Variants in FOXP1 observed in about 807,000 individuals in gnomAD.
The protein encoded by FOXP1 is forkhead box protein P1.
In FOXP1, 15 loss-of-function variants were observed where a neutral mutation model predicts 98.2. That is an observed-to-expected ratio of 0.15 (90% CI 0.10 to 0.24). The LOEUF (loss-of-function observed/expected upper bound fraction) is 0.24. Ranked by LOEUF, FOXP1 falls within the 10% of genes least tolerant of loss-of-function variation. The pLI is 1.00. For missense variants in FOXP1, 633 were observed against 848.5 expected, an observed-to-expected ratio of 0.75 and a Z score of 3.15; for synonymous variants, 371 against 314.5, an observed-to-expected ratio of 1.18 and a Z score of -1.90.
chr3:71,053,855 A>G (rs1553713662), intron 7 of FOXP1, 82 bp from the exon 8 acceptor site: 1 of 1,517,920 alleles, frequency 6.6e-7, no homozygotes, highest in South Asian at 1.1e-5. Flanking sequence ...GACTGCCATC[A>G]GCCTGCTTAA....
chr3:71,000,858 AG>A, intron 13 of FOXP1, 113 bp downstream of exon 13: 1 of 476,394 alleles, frequency 2.1e-6, no homozygotes, highest in Non-Finnish European at 3.8e-6. Flanking sequence ...GGACAATGAC[AG>A]GTTTTGGACC....
At chr3:71,402,346 T>A (rs995771906) in intron 3 of FOXP1, among the ~76,000 whole-genome samples, 1 of 152,044 alleles carries the variant, frequency 6.6e-6, no homozygotes, top group African/African-American at 2.4e-5. Context: ...TCCCAGCTAC[T>A]TGGGGGGCTG....
chr3:71,534,043 C>A (rs1014379135), intron 2 of FOXP1, among the ~76,000 whole-genome samples: 2 of 152,184 alleles, frequency 1.3e-5, no homozygotes, highest in Non-Finnish European at 2.9e-5. Flanking sequence ...TCCGTGCATA[C>A]TCAAGTCCTG....
chr3:71,355,605 C>T (rs189871633), intron 4 of FOXP1, among the ~76,000 whole-genome samples: 24 of 152,156 alleles, frequency 1.6e-4, no homozygotes, highest in Admixed American at 9.8e-4. Flanking sequence ...GGAAACCACG[C>T]GGCAAAAGCT....
chr3:71,581,361 G>T, intron 2 of FOXP1, 188 bp downstream of exon 2: 1 of 985,436 alleles, frequency 1.0e-6, no homozygotes, highest in Non-Finnish European at 1.2e-6. Context: ...AGGGGAAAAG[G>T]GTGGAGGGGA....
chr3:71,512,728 A>T (rs2042289702), intron 2 of FOXP1, among the ~76,000 whole-genome samples: 1 of 152,202 alleles, frequency 6.6e-6, no homozygotes, highest in African/African-American at 2.4e-5. Flanking sequence ...AAGGGAGTCA[A>T]CCAACTTGGA....
chr3:71,320,948 G>A lies in FOXP1; in HGVS notation c.-72-21068C>T, dbSNP rs537768317. Among the ~76,000 whole-genome samples the A allele has an allele frequency of 9.2e-5, 14 of 152,138 alleles. 1 individual carries two copies. In the South Asian group the frequency reaches 1.2e-3, roughly 14 times the overall value. ...ATATAATTTGAACAAAAACTCTTCC[G>A]TTCCCTTGAAGTAAAATCATCTTAT... On this transcript the variant is annotated intron_variant, in intron 4 of 20. Coordinates refer to ENST00000649528, the MANE Select transcript of FOXP1 (RefSeq NM_001349338.3).
At chr3:71,006,508 T>A (rs900094653) in intron 12 of FOXP1, among the ~76,000 whole-genome samples, 1 of 152,168 alleles carries the variant, frequency 6.6e-6, no homozygotes, top group Non-Finnish European at 1.5e-5. Context: ...AAAAGGTTTT[T>A]AACTACTTTT....
chr3:71,181,633 G>T (rs1019250564), intron 6 of FOXP1, among the ~76,000 whole-genome samples: 8 of 152,132 alleles, frequency 5.3e-5, no homozygotes, highest in Non-Finnish European at 1.2e-4. Flanking sequence ...CATGAAATGG[G>T]GTAAGCAACG....
chr3:70,963,582 G>A (rs2034068592), intron 20 of FOXP1, among the ~76,000 whole-genome samples: 1 of 152,084 alleles, frequency 6.6e-6, no homozygotes, highest in Non-Finnish European at 1.5e-5. Context: ...AAGGGCTACC[G>A]CTGAATAACT....
intron 3 of FOXP1, among the ~76,000 whole-genome samples, chr3:71,400,881 G>T (rs974419089): frequency 6.6e-6 from 1 of 152,248 alleles, no homozygotes; most frequent in Admixed American, 6.5e-5. Context: ...GACAAAGAAA[G>T]TAATACCCCA....
chr3:71,432,278 A>C (rs2084788473), intron 3 of FOXP1, among the ~76,000 whole-genome samples: 1 of 152,116 alleles, frequency 6.6e-6, no homozygotes, highest in Admixed American at 6.5e-5. Context: ...ACAGACGCAG[A>C]ATATTCCCTT....
chr3:71,427,497 C>G (rs1168126651), intron 3 of FOXP1, among the ~76,000 whole-genome samples: 2 of 152,168 alleles, frequency 1.3e-5, no homozygotes. Context: ...GGATGCCGGG[C>G]TAGGGAGCCT....
chr3:71,254,330 T>G (rs1306181733), intron 5 of FOXP1, among the ~76,000 whole-genome samples: 2 of 152,058 alleles, frequency 1.3e-5, no homozygotes, highest in Non-Finnish European at 2.9e-5. Context: ...TACAGGTAGG[T>G]AGGTTGGGCA....
At chr3:71,101,271 C>T (rs572294175) in intron 7 of FOXP1, among the ~76,000 whole-genome samples, 270 of 152,160 alleles carry the variant, frequency 1.8e-3, no homozygotes, top group Non-Finnish European at 3.2e-3. Context: ...CATGTGAAGG[C>T]GAGCTAAGAG....
chr3:71,268,517 G>A (rs748242744), intron 5 of FOXP1, among the ~76,000 whole-genome samples: 3 of 152,066 alleles, frequency 2.0e-5, no homozygotes, highest in South Asian at 2.1e-4. Flanking sequence ...CACCAGGGGC[G>A]ATACTGAGGG....
chr3:71,352,486 A>AC (rs1257421739), intron 4 of FOXP1, among the ~76,000 whole-genome samples: 1 of 150,692 alleles, frequency 6.6e-6, no homozygotes, highest in Non-Finnish European at 1.5e-5. Context: ...AAAAAAAAAA[A>AC]AAAAAAACAC....
At chr3:71,496,146 A>G (rs2091390823) in intron 2 of FOXP1, among the ~76,000 whole-genome samples, 1 of 152,222 alleles carries the variant, frequency 6.6e-6, no homozygotes, top group African/African-American at 2.4e-5. Flanking sequence ...TTATATTTAA[A>G]CAAAACAAAC....
intron 7 of FOXP1, among the ~76,000 whole-genome samples, chr3:71,108,761 T>C (rs1432217795): frequency 1.3e-5 from 2 of 151,852 alleles, no homozygotes; most frequent in Non-Finnish European, 2.9e-5. Context: ...CAAGACTCCA[T>C]CTCAAAAAAA....
Sources: gnomAD v4.1 joint callset for allele counts (sites outside exome capture counted in the v4.1 genomes callset) on GRCh38, gnomAD v4.1.1 for gene constraint, MANE v1.5 for transcripts, NCBI Gene and HGNC (gene_info 2026-07-23, HGNC 2026-07-21) for gene names.